Variants in RAD54L observed in about 807,000 individuals in gnomAD.
The protein encoded by RAD54L is RAD54 like.
RAD54L carries 74 observed loss-of-function variants against 91.6 expected under a neutral mutation model. That is an observed-to-expected ratio of 0.81 (90% CI 0.67 to 0.98). The LOEUF is 0.98. Among genes scored for constraint, RAD54L ranks in the 50% least tolerant of loss-of-function variants. RAD54L has a pLI of 0.00. For missense variants in RAD54L, 887 were observed against 945.7 expected (o/e 0.94, Z 0.81); for synonymous variants, 304 against 349.7 (o/e 0.87, Z 1.46).
At chr1:46,261,072 C>T (rs1201709198) in intron 7 of RAD54L, 57 bp downstream of exon 7, 87 of 1,587,596 alleles carry the variant, frequency 5.5e-5, no homozygotes, top group Non-Finnish European at 6.9e-5. Flanking sequence ...TGCTTTCTTA[C>T]GTGTATGCTC....
intron 10 of RAD54L, among the ~76,000 whole-genome samples, chr1:46,271,160 G>T (rs2148298630): frequency 6.6e-6 from 1 of 152,350 alleles, no homozygotes; most frequent in East Asian, 1.9e-4. Context: ...TTCTGTGACA[G>T]GTAGGAGAAG....
intron 9 of RAD54L, 126 bp downstream of exon 9, chr1:46,267,735 G>A: frequency 7.7e-7 from 1 of 1,295,174 alleles, no homozygotes; most frequent in Non-Finnish European, 1.1e-6. Flanking sequence ...ATTCTTGTAG[G>A]AAGGCTTCTC....
In RAD54L at chr1:46,260,581, C is replaced by T. The variant is rs777770167; in HGVS notation, c.447C>T (p.Leu149=). 4.3e-6 allele frequency: 7 copies of T among 1,614,110 alleles called. No homozygotes were observed. Among genetic ancestry groups the T allele is most frequent in the Non-Finnish European group, 5.1e-6 (6 of 1,180,012 alleles). Residue 149 remains leucine, a synonymous_variant, in exon 6 of 18, where the codon CTC becomes CTT. Coordinates refer to ENST00000371975, the MANE Select transcript of RAD54L (RefSeq NM_003579.4). ...TCCATGTGGTTGTTGACCCTATTCTCAGTAAGGTTTTGCGGCCTCATCAGA... is the reference window on the plus strand; with the variant it reads ...TCCATGTGGTTGTTGACCCTATTCTTAGTAAGGTTTTGCGGCCTCATCAGA... ...LPVHVVVDPI[L]SKVLRPHQRE...
intron 3 of RAD54L, among the ~76,000 whole-genome samples, chr1:46,254,951 G>T (rs1046743942): frequency 2.0e-5 from 3 of 152,146 alleles, no homozygotes; most frequent in African/African-American, 7.2e-5. Flanking sequence ...CTCATTAGGG[G>T]ACTGAAGATG....
chr1:46,267,471 A>G lies in RAD54L; in HGVS notation c.904A>G (p.Lys302Glu). The G allele has an allele frequency of 6.2e-7, 1 of 1,614,132 alleles. No homozygotes were observed. The change falls in exon 9 of 18, where the codon AAG becomes GAG. Residue 302 changes from lysine to glutamate, a missense_variant. Physicochemically the swap from Lys to Glu is moderately conservative, Grantham distance 56 (BLOSUM62 1). Transcript: ENST00000371975. The part of the protein sequence containing the change: ...LVICDEGHRL[K>E]NSENQTYQAL... Reference sequence around the variant, plus strand: ...GATTCTCTTGCAGGGACACAGGCTCAAGAACTCTGAGAATCAGACTTACCA... The same window carrying G: ...GATTCTCTTGCAGGGACACAGGCTCGAGAACTCTGAGAATCAGACTTACCA...
At chr1:46,270,477 G>A (rs2148297837) in intron 9 of RAD54L, among the ~76,000 whole-genome samples, 182 bp from the exon 10 acceptor site, 1 of 151,302 alleles carries the variant, frequency 6.6e-6, no homozygotes, top group East Asian at 1.9e-4. Flanking sequence ...CTCACTTTTG[G>A]CCTTTCAAGT....
chr1:46,256,129 G>T (rs534636649), intron 3 of RAD54L, among the ~76,000 whole-genome samples: 1 of 151,826 alleles, frequency 6.6e-6, no homozygotes, highest in Non-Finnish European at 1.5e-5. Context: ...CCAGGCTGGA[G>T]TGCAGTGGTG....
chr1:46,261,195 G>GTTTTTTTTTT lies in RAD54L; in HGVS notation c.767-58_767-57insTTTTTTTTTT. 5.5e-5 allele frequency: 85 copies of GTTTTTTTTTT among 1,554,900 alleles called. 1 individual carries two copies. In the African/African-American group the frequency reaches 1.0e-3, roughly 19 times the overall value. On this transcript the variant is annotated intron_variant, in intron 7 of 17. Coordinates refer to ENST00000371975, the MANE Select transcript of RAD54L (RefSeq NM_003579.4). ...GGCTAAATTAAAGAACTGTCTAATT[G>GTTTTTTTTTT]TTTTTTTTGTTTTTTTTTTTTTCAA... is the stretch of plus-strand genomic sequence containing the variant.
At chr1:46,252,022 T>C (rs1659810901) in intron 3 of RAD54L, among the ~76,000 whole-genome samples, 1 of 152,116 alleles carries the variant, frequency 6.6e-6, no homozygotes, top group Non-Finnish European at 1.5e-5. Context: ...GTTGTGGGAG[T>C]GCACAACAGG....
intron 8 of RAD54L, among the ~76,000 whole-genome samples, chr1:46,266,625 T>C (rs1660272727): frequency 6.6e-6 from 1 of 152,198 alleles, no homozygotes; most frequent in Admixed American, 6.5e-5. Flanking sequence ...GGAAGCTCTT[T>C]AGCTCTACTA....
chr1:46,250,428 C>T (rs1557697371), intron 3 of RAD54L, among the ~76,000 whole-genome samples: 3 of 152,180 alleles, frequency 2.0e-5, no homozygotes, highest in South Asian at 4.1e-4. Flanking sequence ...TAAGGTGTAC[C>T]AGAGTCATGT....
intron 5 of RAD54L, 115 bp from the exon 6 acceptor site, chr1:46,260,427 A>G (rs1660077321): frequency 2.6e-5 from 28 of 1,089,502 alleles, no homozygotes; most frequent in Admixed American, 1.7e-4. Context: ...TCAGCCAAGA[A>G]GGTCTTCTTT....
At chr1:46,266,630 C>G (rs1660272989) in intron 8 of RAD54L, among the ~76,000 whole-genome samples, 1 of 152,172 alleles carries the variant, frequency 6.6e-6, no homozygotes, top group African/African-American at 2.4e-5. Context: ...CTCTTTAGCT[C>G]TACTAGCTGT....
At chr1:46,256,530 C>T (rs1659944403) in intron 3 of RAD54L, among the ~76,000 whole-genome samples, 3 of 151,316 alleles carry the variant, frequency 2.0e-5, no homozygotes, top group South Asian at 2.1e-4. Flanking sequence ...TCCCTTGAGC[C>T]AGGACTTAGA....
intron 3 of RAD54L, among the ~76,000 whole-genome samples, chr1:46,258,341 G>T (rs945192103): frequency 6.6e-6 from 1 of 152,030 alleles, no homozygotes; most frequent in Non-Finnish European, 1.5e-5. Flanking sequence ...GGTGTGCTTG[G>T]GAAGGTGTAA....
intron 16 of RAD54L, among the ~76,000 whole-genome samples, chr1:46,275,838 T>TA (rs1660578472): frequency 6.6e-6 from 1 of 152,006 alleles, no homozygotes. Flanking sequence ...ACTAATCCCT[T>TA]AAAAAATGCT....
chr1:46,272,134 C>G (rs1660450318), intron 10 of RAD54L, among the ~76,000 whole-genome samples: 1 of 145,630 alleles, frequency 6.9e-6, no homozygotes, highest in Admixed American at 7.1e-5. Flanking sequence ...CCTCCACCTC[C>G]TGGGTTCAAG....
Position 46,263,583 on chromosome 1 carries a change from G to A in RAD54L, c.891+2198G>A, listed in dbSNP as rs569157514. On this transcript the variant is annotated intron_variant, in intron 8 of 17. Coordinates refer to ENST00000371975, the MANE Select transcript of RAD54L (RefSeq NM_003579.4). The surrounding 1 kb of genome is among the most constrained non-coding windows in gnomAD (Gnocchi z 4.3). ...AGCTATTTTCTGGTCAGTCATTGGC[G>A]GGTCTTCAAACTCCCAACTTCCTGG... is the stretch of plus-strand genomic sequence containing the variant. 5.9e-5 allele frequency among the ~76,000 whole-genome samples: 9 copies of A among 152,202 alleles called. No individual in the cohort carries two copies. In the South Asian group the frequency reaches 1.9e-3, roughly 32 times the overall value.
chr1:46,269,009 C>T (rs1373654774), intron 9 of RAD54L, among the ~76,000 whole-genome samples: 1 of 152,168 alleles, frequency 6.6e-6, no homozygotes, highest in African/African-American at 2.4e-5. Context: ...AAATGATTCT[C>T]TTGTATCAGC....
Sources: gnomAD v4.1 joint callset for allele counts (sites outside exome capture counted in the v4.1 genomes callset) on GRCh38, gnomAD v4.1.1 for gene constraint, Gnocchi (gnomAD v3.1) non-coding constraint, MANE v1.5 for transcripts, NCBI Gene and HGNC (gene_info 2026-07-23, HGNC 2026-07-21) for gene names.